The following STK39 variants were observed in gnomAD, a reference collection of about 807,000 sequenced individuals.
The protein encoded by STK39 is STE20/SPS1-related proline-alanine-rich protein kinase.
Under a neutral mutation model 77.8 loss-of-function variants are expected in STK39, and 20 were observed. The ratio of observed to expected loss-of-function variants is 0.26; its 90% CI spans 0.18 to 0.37. The LOEUF (loss-of-function observed/expected upper bound fraction) is 0.37. Among genes scored for constraint, STK39 ranks in the 10% least tolerant of loss-of-function variants. STK39 has a pLI of 1.00. For synonymous variants in STK39, 246 were observed against 234.1 expected (o/e 1.05, Z -0.47); for missense variants, 479 against 656.5 (o/e 0.73, Z 2.95).
chr2:168,093,901 GC>G (rs1189503573), intron 10 of STK39, among the ~76,000 whole-genome samples: 1 of 152,152 alleles, frequency 6.6e-6, no homozygotes, highest in African/African-American at 2.4e-5. Context: ...TCTGGCTCCT[GC>G]CCACCTCTGC....
At chr2:168,019,155 C>T (rs1684507312) in intron 14 of STK39, among the ~76,000 whole-genome samples, 1 of 152,072 alleles carries the variant, frequency 6.6e-6, no homozygotes, top group Non-Finnish European at 1.5e-5. Context: ...TCTTTTAGGA[C>T]CTGTGGAAAT....
At chr2:168,206,068 T>C (rs1689733915) in intron 1 of STK39, among the ~76,000 whole-genome samples, 1 of 152,194 alleles carries the variant, frequency 6.6e-6, no homozygotes, top group Non-Finnish European at 1.5e-5. Flanking sequence ...AGTCCTATAA[T>C]ATTCATCTGG....
At chr2:168,217,793 A>C in intron 1 of STK39, among the ~76,000 whole-genome samples, 1 of 152,182 alleles carries the variant, frequency 6.6e-6, no homozygotes, top group East Asian at 1.9e-4. Flanking sequence ...ATTTTTTTCC[A>C]AGTATTTTCA....
At position 168,163,843 on chromosome 2, in the gene STK39, T is replaced by A; in HGVS notation, c.468A>T (p.Arg156=). The change falls in exon 4 of 18, where the codon CGA becomes CGT. Residue 156 remains arginine (R), a synonymous_variant. Coordinates refer to ENST00000355999, the MANE Select transcript of STK39 (RefSeq NM_013233.3). ...MLDIIKYIVN[R]GEHKNGVLEE... Reference sequence around the variant, plus strand: ...CCAGAACTCCATTCTTGTGTTCTCCTCGGTTGACAATGTATTTTATGATAT... The same window carrying A: ...CCAGAACTCCATTCTTGTGTTCTCCACGGTTGACAATGTATTTTATGATAT... 1 of 1,614,018 alleles carries A rather than the reference T, an allele frequency of 6.2e-7. No homozygotes were observed. The highest frequency in any genetic ancestry group is 8.5e-7 in the Non-Finnish European group (1 of 1,179,938).
At chr2:168,018,132 C>A (rs1466007206) in intron 14 of STK39, among the ~76,000 whole-genome samples, 1 of 152,114 alleles carries the variant, frequency 6.6e-6, no homozygotes, top group Non-Finnish European at 1.5e-5. Context: ...ATAGTTTCAA[C>A]TTCTTGTAAG....
At chr2:167,988,657 A>G (rs1683621891) in intron 16 of STK39, among the ~76,000 whole-genome samples, 1 of 151,624 alleles carries the variant, frequency 6.6e-6, no homozygotes, top group East Asian at 1.9e-4. Context: ...TAATATGAGA[A>G]AAAAAAAAGT....
At chr2:167,984,412 G>C (rs1009008420) in intron 16 of STK39, among the ~76,000 whole-genome samples, 1 of 152,130 alleles carries the variant, frequency 6.6e-6, no homozygotes, top group Non-Finnish European at 1.5e-5. Flanking sequence ...TGGGTGAGTG[G>C]GAGCATTCCA....
chr2:167,986,933 A>G (rs1341863018), intron 16 of STK39, among the ~76,000 whole-genome samples: 1 of 152,212 alleles, frequency 6.6e-6, no homozygotes, highest in Non-Finnish European at 1.5e-5. Context: ...ATGATCATCA[A>G]TAATGCACTA....
At chr2:167,997,105 A>G (rs1683865634) in intron 16 of STK39, among the ~76,000 whole-genome samples, 1 of 150,774 alleles carries the variant, frequency 6.6e-6, no homozygotes, top group Non-Finnish European at 1.5e-5. Flanking sequence ...TTGTTATTAC[A>G]CTACTTTCCA....
chr2:168,139,405 A>T (rs866765696), intron 7 of STK39, among the ~76,000 whole-genome samples: 1 of 139,450 alleles, frequency 7.2e-6, no homozygotes, highest in African/African-American at 2.9e-5. Context: ...TGTTAAAAAA[A>T]ATTTATATAT....
chr2:167,972,463 C>A (rs1305859995), intron 16 of STK39, among the ~76,000 whole-genome samples: 1 of 152,132 alleles, frequency 6.6e-6, no homozygotes, highest in Non-Finnish European at 1.5e-5. Context: ...GATCTTGTAA[C>A]CATGTGGCCT....
intron 2 of STK39, among the ~76,000 whole-genome samples, chr2:168,178,684 T>G (rs1394410753): frequency 1.3e-5 from 2 of 152,236 alleles, no homozygotes; most frequent in Admixed American, 1.3e-4. Flanking sequence ...TTAGCACCAA[T>G]GAGCTCATCT....
At chr2:168,090,285 C>T (rs1187814160) in intron 10 of STK39, among the ~76,000 whole-genome samples, 1 of 134,388 alleles carries the variant, frequency 7.4e-6, no homozygotes, top group East Asian at 2.4e-4. Flanking sequence ...ACCAAAGATA[C>T]ATTTGTTGAA....
intron 16 of STK39, among the ~76,000 whole-genome samples, chr2:167,985,348 A>G (rs1055557817): frequency 1.3e-5 from 2 of 152,276 alleles, no homozygotes; most frequent in Non-Finnish European, 2.9e-5. Context: ...TTGTTTGTGC[A>G]CTTGTTTGTT....
chr2:168,100,589 G>C (rs937156682), intron 10 of STK39, among the ~76,000 whole-genome samples: 2 of 152,128 alleles, frequency 1.3e-5, no homozygotes, highest in African/African-American at 4.8e-5. Flanking sequence ...TTAAACTAAA[G>C]AGCTTCTGCA....
Position 168,238,365 on chromosome 2 carries a change from A to G in STK39, c.208+8863T>C, listed in dbSNP as rs150038233. Among the ~76,000 whole-genome samples, 361 of 152,340 alleles carry G rather than the reference A, an allele frequency of 2.4e-3. 1 individual carries two copies. Among genetic ancestry groups the G allele is most frequent in the African/African-American group, 8.3e-3 (346 of 41,576 alleles). ...AAACCCATAAATGTCAATAAAATGT[A>G]TATTTTTTACCTAAGGGAAGAATCA... is the stretch of plus-strand genomic sequence containing the variant. On this transcript the variant is annotated intron_variant, in intron 1 of 17. Coordinates refer to ENST00000355999, the MANE Select transcript of STK39 (RefSeq NM_013233.3).
intron 10 of STK39, among the ~76,000 whole-genome samples, chr2:168,095,905 T>C (rs1305239803): frequency 6.6e-6 from 1 of 152,086 alleles, no homozygotes; most frequent in Non-Finnish European, 1.5e-5. Flanking sequence ...ATGTTGACAA[T>C]GAAATAAGAA....
chr2:168,146,687 C>A (rs1688148970), intron 5 of STK39, among the ~76,000 whole-genome samples: 1 of 152,188 alleles, frequency 6.6e-6, no homozygotes, highest in African/African-American at 2.4e-5. Flanking sequence ...ATTCAATTAA[C>A]AGCTGTTGTT....
chr2:167,983,469 AAGAAAT>A (rs1683479819), intron 16 of STK39, among the ~76,000 whole-genome samples: 1 of 108,612 alleles, frequency 9.2e-6, no homozygotes, highest in Admixed American at 1.1e-4. Context: ...AAAAAAAAAA[AAGAAAT>A]GAAAGGAAGG....
Sources: allele counts gnomAD v4.1 joint callset (sites outside exome capture counted in the v4.1 genomes callset), GRCh38; gene constraint gnomAD v4.1.1; transcripts MANE v1.5; gene names NCBI Gene and HGNC (gene_info 2026-07-23, HGNC 2026-07-21).